STAP1: variants seen among roughly 807,000 people sequenced by gnomAD.
STAP1 encodes signal-transducing adaptor protein 1.
A neutral mutation model predicts 37.8 loss-of-function variants in STAP1; 30 were observed. The ratio of observed to expected loss-of-function variants is 0.79; its 90% CI spans 0.59 to 1.08. The LOEUF (loss-of-function observed/expected upper bound fraction) is 1.08. Ranked by LOEUF, STAP1 falls within the 50% of genes least tolerant of loss-of-function variation. The probability of loss-of-function intolerance (pLI) is 0.00; values close to 1 mark genes in which losing one functional copy is unlikely to be tolerated. For synonymous variants in STAP1, 130 were observed against 116.0 expected, an observed-to-expected ratio of 1.12 and a Z score of -0.78; for missense variants, 357 against 349.4, an observed-to-expected ratio of 1.02 and a Z score of -0.17.
chr4:67,605,137 TA>T (rs997456614), intron 8 of STAP1, among the ~76,000 whole-genome samples: 9 of 152,290 alleles, frequency 5.9e-5, no homozygotes, highest in Non-Finnish European at 1.2e-4. Flanking sequence ...TGGAGCTTAT[TA>T]ATGACACCTG....
Position 67,570,136 on chromosome 4 carries a change from ACT to A in STAP1, c.121-947_121-946del, listed in dbSNP as rs1034891438. 1.6e-3 allele frequency among the ~76,000 whole-genome samples: 241 copies of A among 152,262 alleles called. 1 individual carries two copies. Among genetic ancestry groups the A allele is most frequent in the African/African-American group, 5.4e-3 (225 of 41,528 alleles). On this transcript the variant is annotated intron_variant, in intron 1 of 8. Transcript: ENST00000265404. ...TGAAGAACATGCTTGAGGCTGCTTCACTGTTAGTTATGTTTTTTCAAAGTAGA... is the reference window on the plus strand; with the variant it reads ...TGAAGAACATGCTTGAGGCTGCTTCAGTTAGTTATGTTTTTTCAAAGTAGA...
chr4:67,576,675 T>G (rs1727727667), intron 3 of STAP1, among the ~76,000 whole-genome samples: 1 of 152,176 alleles, frequency 6.6e-6, no homozygotes, highest in Non-Finnish European at 1.5e-5. Context: ...TTGTATTTTT[T>G]GTAGAGACAT....
At chr4:67,568,382 A>C (rs1041664081) in intron 1 of STAP1, among the ~76,000 whole-genome samples, 1 of 152,230 alleles carries the variant, frequency 6.6e-6, no homozygotes, top group Non-Finnish European at 1.5e-5. Context: ...AATGATTAAC[A>C]TGTTTATTAA....
chr4:67,585,357 A>G (rs1001133891), intron 6 of STAP1, among the ~76,000 whole-genome samples: 1 of 152,242 alleles, frequency 6.6e-6, no homozygotes, highest in Non-Finnish European at 1.5e-5. Context: ...AAAAGAAACA[A>G]CTTCCAGAGA....
rs185734112 is a variant in STAP1 at position 67,604,801 on chromosome 4, T to C, written c.827-1495T>C. Reference sequence around the variant, plus strand: ...ATTTTTTAAAAGCAGGCAACCATCTTGATTAGATTGAACCAGTTCTCTCTT... The same window carrying C: ...ATTTTTTAAAAGCAGGCAACCATCTCGATTAGATTGAACCAGTTCTCTCTT... On this transcript the variant is annotated intron_variant, in intron 8 of 8. Transcript: ENST00000265404. 2.9e-3 allele frequency among the ~76,000 whole-genome samples: 407 copies of C among 142,384 alleles called. 3 individuals are homozygous for C. The highest frequency in any genetic ancestry group is 9.7e-3 in the African/African-American group (376 of 38,756). The allele number at this position is 142,384 out of a possible 152,430, so 93.4% of individuals were successfully genotyped here. A position where few individuals can be genotyped will look rare whatever the true frequency, so the allele number is the denominator to read the frequency against.
chr4:67,567,316 T>G (rs1045392789), intron 1 of STAP1, among the ~76,000 whole-genome samples: 1 of 152,208 alleles, frequency 6.6e-6, no homozygotes, highest in African/African-American at 2.4e-5. Flanking sequence ...AATTTGTTCC[T>G]TGGTTCAAGA....
chr4:67,589,229 A>G lies in STAP1; in HGVS notation c.660-1655A>G, dbSNP rs145606081. Among the ~76,000 whole-genome samples, 768 of 152,354 alleles carry G rather than the reference A, an allele frequency of 5.0e-3. 7 individuals carry two copies. Among genetic ancestry groups the G allele is most frequent in the African/African-American group, 0.018 (749 of 41,584 alleles). On this transcript the variant is annotated intron_variant, in intron 6 of 8. Transcript: ENST00000265404. Reference sequence around the variant, plus strand: ...AAAGCCAGGTATAACCACCCTGAAAAGGTGCTGTATGACCTTCTGTGTCCA... The same window carrying G: ...AAAGCCAGGTATAACCACCCTGAAAGGGTGCTGTATGACCTTCTGTGTCCA...
At chr4:67,571,740 A>C (rs956355394) in intron 2 of STAP1, among the ~76,000 whole-genome samples, 5 of 152,180 alleles carry the variant, frequency 3.3e-5, no homozygotes, top group African/African-American at 1.2e-4. Flanking sequence ...GCAAATGCTT[A>C]CCTACCTTGG....
intron 1 of STAP1, among the ~76,000 whole-genome samples, chr4:67,568,532 A>C (rs180857470): frequency 1.2e-3 from 176 of 152,304 alleles, no homozygotes; most frequent in African/African-American, 4.0e-3. Context: ...TATTTAAATA[A>C]ACTTAATTGA....
Position 67,581,396 on chromosome 4 carries a change from C to T in STAP1, c.455C>T (p.Thr152Ile), listed in dbSNP as rs2109864863. The change falls in exon 5 of 9, where the codon ACA becomes ATA. Residue 152 changes from threonine (T) to isoleucine (I), a missense_variant. Transcript: ENST00000265404. ...LEREKKRRIE[T>I]EQSTSVEKEK... ...AGAGAAAAGAAAAGGAGGATTGAGA[C>T]AGAGCAGAGTACGTCCGTGGAAAAA... 1.7e-5 allele frequency: 28 copies of T among 1,613,976 alleles called. No homozygotes were observed. The highest frequency in any genetic ancestry group is 2.3e-5 in the Non-Finnish European group (27 of 1,179,942).
intron 2 of STAP1, among the ~76,000 whole-genome samples, chr4:67,573,822 A>G (rs1727658121): frequency 6.6e-6 from 1 of 152,148 alleles, no homozygotes; most frequent in Non-Finnish European, 1.5e-5. Context: ...ATACAGTAAA[A>G]TAAGTCATAT....
In STAP1 at chr4:67,581,433, A is replaced by G; in HGVS notation, c.492A>G (p.Pro164=). ...CGTCCGTGGAAAAAGAGAAGGAACC[A>G]ACTGAAGATTATGTGGATGTACTGA... ...QSTSVEKEKE[P]TEDYVDVLNP... The change falls in exon 5 of 9, where the codon CCA becomes CCG. Residue 164 remains proline (P), a synonymous_variant. Coordinates refer to ENST00000265404, the MANE Select transcript of STAP1 (RefSeq NM_012108.4). 1 of 1,613,854 alleles carries G rather than the reference A, an allele frequency of 6.2e-7. No homozygotes were observed. The highest frequency in any genetic ancestry group is 8.5e-7 in the Non-Finnish European group (1 of 1,179,842).
At chr4:67,581,839 T>C (rs865917561) in intron 5 of STAP1, among the ~76,000 whole-genome samples, 53 of 152,360 alleles carry the variant, frequency 3.5e-4, no homozygotes, top group African/African-American at 1.2e-3. Flanking sequence ...CAATAAATTT[T>C]CAATACCTAG....
chr4:67,581,311 G>A lies in STAP1; in HGVS notation c.370G>A (p.Val124Ile). The part of the protein sequence containing the change: ...GFILTVTELS[V>I]PQNVSLLPGQ... Reference sequence around the variant, plus strand: ...CTCTTTTAATTGGTTTCAGCTGTCAGTTCCCCAAAACGTGTCACTCCTACC... The same window carrying A: ...CTCTTTTAATTGGTTTCAGCTGTCAATTCCCCAAAACGTGTCACTCCTACC... The change falls in exon 5 of 9, where the codon GTT (valine) becomes ATT (isoleucine). Residue 124 changes from valine to isoleucine, a missense_variant. Transcript: ENST00000265404. The A allele has an allele frequency of 1.2e-6, 2 of 1,610,458 alleles. No homozygotes were observed. Among genetic ancestry groups the A allele is most frequent in the Non-Finnish European group, 1.7e-6 (2 of 1,178,934 alleles).
At chr4:67,606,260 G>A (rs761847432) in intron 8 of STAP1, 36 bp from the exon 9 acceptor site, 4 of 1,571,500 alleles carry the variant, frequency 2.5e-6, no homozygotes, top group Admixed American at 3.6e-5. Context: ...TACAATATTG[G>A]TTCGCTAATT....
chr4:67,560,045 A>G (rs1226257820), intron 1 of STAP1, among the ~76,000 whole-genome samples: 2 of 152,174 alleles, frequency 1.3e-5, no homozygotes, highest in African/African-American at 4.8e-5. Context: ...TAAGCCACAT[A>G]GTCACACTTT....
chr4:67,582,039 T>C (rs1370573705), intron 5 of STAP1, among the ~76,000 whole-genome samples: 2 of 152,172 alleles, frequency 1.3e-5, no homozygotes, highest in Non-Finnish European at 2.9e-5. Context: ...ATCTTGGTGG[T>C]GTTGTCAATA....
At chr4:67,571,185 G>A (rs949248797) in intron 2 of STAP1, 30 bp downstream of exon 2, 6 of 1,459,840 alleles carry the variant, frequency 4.1e-6, no homozygotes, top group Non-Finnish European at 5.8e-6. Context: ...TGATTCCATT[G>A]TTTCCCAATA....
Position 67,558,807 on chromosome 4 carries a change from G to C in STAP1, c.-3G>C. On this transcript the variant is annotated 5_prime_UTR_variant, in exon 1 of 9. Transcript: ENST00000265404. ...AACCAAACCACACACCAAAGAGAGG[G>C]GTATGATGGCTAAGAAGCCCCCAAA... 6.2e-7 allele frequency: 1 copy of C among 1,612,094 alleles called. No individual in the cohort carries two copies. Among genetic ancestry groups the C allele is most frequent in the Non-Finnish European group, 8.5e-7 (1 of 1,179,102 alleles).
Sources: gnomAD v4.1 joint callset for allele counts (sites outside exome capture counted in the v4.1 genomes callset) on GRCh38, gnomAD v4.1.1 for gene constraint, MANE v1.5 for transcripts, NCBI Gene and HGNC (gene_info 2026-07-23, HGNC 2026-07-21) for gene names.